Variants in PRIM2 observed in about 807,000 individuals in gnomAD.
PRIM2 encodes DNA primase large subunit.
In PRIM2, 39 loss-of-function variants were observed where a neutral mutation model predicts 67.3. The ratio of observed to expected loss-of-function variants is 0.58; its 90% CI spans 0.45 to 0.76. The LOEUF (loss-of-function observed/expected upper bound fraction) is 0.76. PRIM2 is among the 30% of genes least tolerant of loss of function. The pLI is 0.00. For synonymous variants in PRIM2, 143 were observed against 198.7 expected (o/e 0.72, Z 2.36); for missense variants, 398 against 598.7 (o/e 0.66, Z 3.50).
the PRIM2 span, among the ~76,000 whole-genome samples, chr6:57,236,301 C>G: frequency 1.3e-5 from 2 of 151,530 alleles, no homozygotes; most frequent in Non-Finnish European, 2.9e-5. Context: ...ATGTTCTCTT[C>G]ACTCACCTAG....
chr6:57,638,710 ACTAT>A (rs1424815963), intron 13 of PRIM2, among the ~76,000 whole-genome samples: 1 of 152,170 alleles, frequency 6.6e-6, no homozygotes, highest in Non-Finnish European at 1.5e-5. Flanking sequence ...AGAAGAGCTA[ACTAT>A]CCTAAATATA....
intron 7 of PRIM2, among the ~76,000 whole-genome samples, chr6:57,399,164 A>G (rs1770622452): frequency 6.6e-6 from 1 of 152,082 alleles, no homozygotes; most frequent in Non-Finnish European, 1.5e-5. Flanking sequence ...TACATTAGGT[A>G]TATCTCCTAG....
intron 10 of PRIM2, among the ~76,000 whole-genome samples, chr6:57,585,115 C>T (rs1204461508): frequency 6.6e-6 from 1 of 152,132 alleles, no homozygotes; most frequent in African/African-American, 2.4e-5. Flanking sequence ...TTTTTTTAAG[C>T]TCCTATGAGG....
At chr6:57,246,058 A>G in the PRIM2 span, among the ~76,000 whole-genome samples, 1 of 152,254 alleles carries the variant, frequency 6.6e-6, no homozygotes, top group Non-Finnish European at 1.5e-5. Context: ...CCACATATCT[A>G]CAAATCATAT....
At chr6:57,428,801 A>G (rs1279860169) in intron 7 of PRIM2, among the ~76,000 whole-genome samples, 5 of 152,220 alleles carry the variant, frequency 3.3e-5, no homozygotes, top group African/African-American at 1.2e-4. Flanking sequence ...TGTACCTCCC[A>G]TTCAGCTTTC....
chr6:57,292,243 A>G, the PRIM2 span, among the ~76,000 whole-genome samples: 1 of 152,204 alleles, frequency 6.6e-6, no homozygotes. Context: ...ACTCCCATTC[A>G]CAACTACTAC....
intron 8 of PRIM2, 68 bp from the exon 9 acceptor site, chr6:57,532,343 A>G: frequency 3.3e-6 from 2 of 611,146 alleles, no homozygotes; most frequent in Non-Finnish European, 5.1e-6. Flanking sequence ...GAATTTAAAA[A>G]ATTTCCTTCG....
chr6:57,439,353 G>A (rs536870076), intron 7 of PRIM2, among the ~76,000 whole-genome samples: 19 of 144,274 alleles, frequency 1.3e-4, no homozygotes, highest in Middle Eastern at 3.7e-3. Context: ...TACTACCTTT[G>A]CTCTGTGTTG....
At chr6:57,558,935 C>CT (rs1450730545) in intron 10 of PRIM2, among the ~76,000 whole-genome samples, 1 of 151,708 alleles carries the variant, frequency 6.6e-6, no homozygotes, top group African/African-American at 2.4e-5. Context: ...CAAGACCAGC[C>CT]TAGGCAACAC....
chr6:57,501,935 T>C (rs1554346909), intron 7 of PRIM2, among the ~76,000 whole-genome samples: 2 of 152,194 alleles, frequency 1.3e-5, no homozygotes, highest in Admixed American at 6.5e-5. Flanking sequence ...TAAACGACTT[T>C]GAACTTTGTG....
intron 8 of PRIM2, among the ~76,000 whole-genome samples, chr6:57,512,625 ACT>A (rs1774394473): frequency 6.6e-6 from 1 of 151,878 alleles, no homozygotes; most frequent in Non-Finnish European, 1.5e-5. Flanking sequence ...ACAAAGTCTC[ACT>A]CTGTCTGTCG....
intron 8 of PRIM2, among the ~76,000 whole-genome samples, chr6:57,514,244 G>A (rs1774434384): frequency 6.6e-6 from 1 of 152,162 alleles, no homozygotes; most frequent in Admixed American, 6.5e-5. Flanking sequence ...TATCAGACAT[G>A]TAATCTCTGT....
chr6:57,227,072 CT>C, the PRIM2 span, among the ~76,000 whole-genome samples: 31 of 149,542 alleles, frequency 2.1e-4, no homozygotes, highest in South Asian at 1.3e-3. Flanking sequence ...AAATAAAAAT[CT>C]TTTTTTTTTC....
chr6:57,551,835 G>T (rs1438563448), intron 10 of PRIM2, among the ~76,000 whole-genome samples: 1 of 152,150 alleles, frequency 6.6e-6, no homozygotes, highest in Non-Finnish European at 1.5e-5. Flanking sequence ...TTTTAAATAG[G>T]GTGGTCATGG....
intron 5 of PRIM2, among the ~76,000 whole-genome samples, chr6:57,337,436 C>T (rs1205056194): frequency 1.3e-5 from 2 of 151,230 alleles, no homozygotes; most frequent in Non-Finnish European, 3.0e-5. Context: ...CACACCTATT[C>T]CAAAATTGAC....
At chr6:57,398,659 A>T (rs1006211263) in intron 7 of PRIM2, among the ~76,000 whole-genome samples, 1 of 152,178 alleles carries the variant, frequency 6.6e-6, no homozygotes, top group Non-Finnish European at 1.5e-5. Context: ...GGTCCATCAG[A>T]TCCATTTGGT....
At chr6:57,595,275 C>T (rs1390692170) in intron 10 of PRIM2, among the ~76,000 whole-genome samples, 11 of 152,248 alleles carry the variant, frequency 7.2e-5, no homozygotes, top group African/African-American at 2.6e-4. Flanking sequence ...TTCATGGCCA[C>T]TTGATTGAGA....
intron 7 of PRIM2, among the ~76,000 whole-genome samples, chr6:57,430,458 T>G (rs1225779913): frequency 1.7e-5 from 2 of 117,140 alleles, no homozygotes; most frequent in Non-Finnish European, 3.2e-5. Context: ...TTTTTTTTTT[T>G]TTTTTTTTTT....
In PRIM2 at chr6:57,336,227, G is replaced by A. The variant is rs923632733; in HGVS notation, c.459+10182G>A. On this transcript the variant is annotated intron_variant, in intron 5 of 13. Transcript: ENST00000615550. ...GACTATGTGAAAAGACCAAATCTGC[G>A]TCTGATTGGTGTACCTGAAAGTGAC... Among the ~76,000 whole-genome samples, 8 of 152,292 alleles carry A rather than the reference G, an allele frequency of 5.3e-5. No homozygotes were observed. In the East Asian group the frequency reaches 9.6e-4, roughly 18 times the overall value.
Sources: gnomAD v4.1 joint callset for allele counts (sites outside exome capture counted in the v4.1 genomes callset) on GRCh38, gnomAD v4.1.1 for gene constraint, MANE v1.5 for transcripts, NCBI Gene and HGNC (gene_info 2026-07-23, HGNC 2026-07-21) for gene names.